The following RAB3C variants were observed in gnomAD, a reference collection of about 807,000 sequenced individuals.
The protein encoded by RAB3C is RAB3C, member RAS oncogene family.
A neutral mutation model predicts 26.4 loss-of-function variants in RAB3C; 17 were observed. That is an observed-to-expected ratio of 0.64 (90% CI 0.44 to 0.97). The LOEUF is 0.97. Among genes scored for constraint, RAB3C ranks in the 50% least tolerant of loss-of-function variants. The pLI is 0.00. For synonymous variants in RAB3C, 91 were observed against 95.9 expected (o/e 0.95, Z 0.30); for missense variants, 242 against 281.9 (o/e 0.86, Z 1.01).
chr5:58,704,259 C>T (rs1045506909), intron 2 of RAB3C, among the ~76,000 whole-genome samples: 2 of 152,144 alleles, frequency 1.3e-5, no homozygotes, highest in Non-Finnish European at 2.9e-5. Flanking sequence ...GAGAAACATT[C>T]CTGGCTTTAA....
intron 3 of RAB3C, among the ~76,000 whole-genome samples, chr5:58,752,989 A>C (rs1741567112): frequency 6.6e-6 from 1 of 152,104 alleles, no homozygotes; most frequent in Non-Finnish European, 1.5e-5. Context: ...ATTTTAGCAG[A>C]GACCTTAAAG....
At chr5:58,761,160 G>T (rs1741790387) in intron 3 of RAB3C, among the ~76,000 whole-genome samples, 1 of 151,578 alleles carries the variant, frequency 6.6e-6, no homozygotes, top group Non-Finnish European at 1.5e-5. Flanking sequence ...CATTGGAACT[G>T]CAAATGGAAG....
chr5:58,768,959 G>A (rs1168344715), intron 3 of RAB3C, among the ~76,000 whole-genome samples: 2 of 151,596 alleles, frequency 1.3e-5, no homozygotes, highest in Non-Finnish European at 2.9e-5. Context: ...AAGAGGCTGC[G>A]ACTTGAACCT....
intron 1 of RAB3C, among the ~76,000 whole-genome samples, chr5:58,595,291 A>G (rs1746222841): frequency 6.6e-6 from 1 of 152,168 alleles, no homozygotes; most frequent in South Asian, 2.1e-4. Context: ...TAATTGATGA[A>G]ACACATTTCT....
chr5:58,633,977 CAA>C (rs532775769), intron 2 of RAB3C, among the ~76,000 whole-genome samples: 1 of 138,756 alleles, frequency 7.2e-6, no homozygotes. Flanking sequence ...CTAAAAAATA[CAA>C]AAAAAAAAAA....
chr5:58,619,394 T>C (rs1561268951), intron 2 of RAB3C, among the ~76,000 whole-genome samples: 1 of 152,212 alleles, frequency 6.6e-6, no homozygotes, highest in Non-Finnish European at 1.5e-5. Flanking sequence ...TCCTGATTCA[T>C]TCTCTTCCTT....
At chr5:58,666,893 C>T (rs545104422) in intron 2 of RAB3C, among the ~76,000 whole-genome samples, 2 of 152,176 alleles carry the variant, frequency 1.3e-5, no homozygotes, top group Non-Finnish European at 2.9e-5. Flanking sequence ...TGATGACGTG[C>T]GTGGGACGTC....
intron 2 of RAB3C, among the ~76,000 whole-genome samples, chr5:58,710,318 G>T (rs1749030138): frequency 1.3e-5 from 2 of 152,072 alleles, no homozygotes. Flanking sequence ...GCTTTTCCAG[G>T]CCGGGCGTGG....
At chr5:58,726,204 C>T (rs770911440) in intron 3 of RAB3C, 84 bp downstream of exon 3, 71 of 670,138 alleles carry the variant, frequency 1.1e-4, no homozygotes, top group Admixed American at 8.0e-5. Context: ...GTGACCATAC[C>T]GCAATGTAAT....
At chr5:58,663,207 G>T (rs1479565831) in intron 2 of RAB3C, among the ~76,000 whole-genome samples, 1 of 149,036 alleles carries the variant, frequency 6.7e-6, no homozygotes, top group Non-Finnish European at 1.5e-5. Flanking sequence ...AAATTAAAAA[G>T]AAAGCATGGT....
chr5:58,741,691 C>G (rs1273897444), intron 3 of RAB3C: 1 of 152,060 alleles, frequency 6.6e-6, no homozygotes, highest in African/African-American at 2.4e-5. Flanking sequence ...AAAACACTCA[C>G]AGAAAACTAG....
At chr5:58,749,250 T>C (rs1225217816) in intron 3 of RAB3C, among the ~76,000 whole-genome samples, 3 of 152,188 alleles carry the variant, frequency 2.0e-5, no homozygotes, top group Non-Finnish European at 2.9e-5. Context: ...CCATCTTTCT[T>C]TCATAGTGTT....
At chr5:58,760,311 G>A (rs1741771826) in intron 3 of RAB3C, among the ~76,000 whole-genome samples, 1 of 152,162 alleles carries the variant, frequency 6.6e-6, no homozygotes, top group African/African-American at 2.4e-5. Context: ...CTCCCGGATG[G>A]AATGTGAGAA....
intron 1 of RAB3C, among the ~76,000 whole-genome samples, chr5:58,594,260 A>T (rs959309137): frequency 1.3e-5 from 2 of 152,184 alleles, no homozygotes; most frequent in African/African-American, 4.8e-5. Context: ...CCAACTGGCA[A>T]ATTATGACCC....
chr5:58,630,803 T>C (rs952306000), intron 2 of RAB3C, among the ~76,000 whole-genome samples: 1 of 152,212 alleles, frequency 6.6e-6, no homozygotes, highest in African/African-American at 2.4e-5. Context: ...GGCACTCATA[T>C]AAATCATTAA....
intron 1 of RAB3C, among the ~76,000 whole-genome samples, chr5:58,590,532 CTTATTTAT>C (rs34521886): frequency 6.6e-6 from 1 of 151,312 alleles, no homozygotes; most frequent in Non-Finnish European, 1.5e-5. Flanking sequence ...ATTTGGTTCA[CTTATTTAT>C]TTATTTATTT....
chr5:58,806,710 G>T (rs1742947083), intron 3 of RAB3C, among the ~76,000 whole-genome samples: 1 of 152,072 alleles, frequency 6.6e-6, no homozygotes, highest in South Asian at 2.1e-4. Context: ...AATGTTTCCA[G>T]ACAGTTTTGT....
At chr5:58,623,406 G>T (rs556347881) in intron 2 of RAB3C, among the ~76,000 whole-genome samples, 358 of 152,334 alleles carry the variant, frequency 2.4e-3, no homozygotes, top group Non-Finnish European at 4.0e-3. Flanking sequence ...TTCTGCCCAG[G>T]CAAGCTTCTT....
chr5:58,700,419 A>T (rs939928619), intron 2 of RAB3C, among the ~76,000 whole-genome samples: 1 of 152,218 alleles, frequency 6.6e-6, no homozygotes, highest in East Asian at 1.9e-4. Flanking sequence ...TATTAATTCC[A>T]TGAACTAAGT....
Sources: gnomAD v4.1 joint callset for allele counts (sites outside exome capture counted in the v4.1 genomes callset) on GRCh38, gnomAD v4.1.1 for gene constraint, MANE v1.5 for transcripts, NCBI Gene and HGNC (gene_info 2026-07-23, HGNC 2026-07-21) for gene names.